NEDD9: variants seen among roughly 807,000 people sequenced by gnomAD.
The protein encoded by NEDD9 is enhancer of filamentation 1.
Under a neutral mutation model 76.6 loss-of-function variants are expected in NEDD9, and 26 were observed. The observed-to-expected ratio is 0.34, with a 90% CI of 0.25 to 0.47. The LOEUF (loss-of-function observed/expected upper bound fraction) is 0.47, where lower values mean the gene tolerates loss of function less well. NEDD9 is among the 20% of genes least tolerant of loss of function. The pLI, the probability that NEDD9 is intolerant of heterozygous loss-of-function variation, is 1.00. For synonymous variants in NEDD9, 392 were observed against 414.2 expected, an observed-to-expected ratio of 0.95 and a Z score of 0.65; for missense variants, 937 against 1,058.5, an observed-to-expected ratio of 0.89 and a Z score of 1.59.
intron 2 of NEDD9, among the ~76,000 whole-genome samples, chr6:11,323,365 A>G (rs1263619348): frequency 6.6e-6 from 1 of 152,214 alleles, no homozygotes; most frequent in Non-Finnish European, 1.5e-5. Context: ...AAAAGCAGGC[A>G]CTGCAAAGAC....
At chr6:11,209,970 C>CTTTTTTTTTTTTTTTTTTTTTTTT (rs752612102) in intron 2 of NEDD9, among the ~76,000 whole-genome samples, 2 of 131,072 alleles carry the variant, frequency 1.5e-5, no homozygotes, top group South Asian at 2.6e-4. Context: ...AATTCACTGT[C>CTTTTTTTTTTTTTTTTTTTTTTTT]TTTTTTTTTT....
chr6:11,306,524 C>T (rs1425071531), intron 2 of NEDD9, among the ~76,000 whole-genome samples: 1 of 152,090 alleles, frequency 6.6e-6, no homozygotes, highest in African/African-American at 2.4e-5. Flanking sequence ...TAGACGTTTG[C>T]CAGATGTTTT....
intron 1 of NEDD9, among the ~76,000 whole-genome samples, chr6:11,342,810 G>A (rs903260296): frequency 6.6e-6 from 1 of 152,150 alleles, no homozygotes; most frequent in East Asian, 1.9e-4. Context: ...AATAATGACT[G>A]ATAAATGCAG....
chr6:11,206,518 T>G (rs1758621616), intron 2 of NEDD9, among the ~76,000 whole-genome samples: 2 of 152,256 alleles, frequency 1.3e-5, no homozygotes, highest in Non-Finnish European at 2.9e-5. Context: ...TTCTCCTACT[T>G]AGCCAGACAT....
chr6:11,191,002 C>A lies in NEDD9; in HGVS notation c.867G>T (p.Pro289=). The A allele has an allele frequency of 6.2e-7, 1 of 1,613,906 alleles. No individual in the cohort carries two copies. The highest frequency in any genetic ancestry group is 8.5e-7 in the Non-Finnish European group (1 of 1,180,002). Residue 289 remains proline (P), a synonymous_variant, in exon 5 of 7, where the codon CCG becomes CCT. Transcript: ENST00000379446. ...YNCDIPGAAE[P]VARRHQSLSP... ...ACAGGCTCTGGTGCCTTCGAGCCAC[C>A]GGTTCTGCAGCTCCTGGAATGTCAC...
At position 11,199,637 on chromosome 6, in the gene NEDD9, C is replaced by CTTTTTTTTTTTTTT. The variant is rs59651160; in HGVS notation, c.460-5959_460-5946dup. ...AAAATGAAGAAAAGCTAGGAAAGAT[C>CTTTTTTTTTTTTTT]TTTTTTTTTTTTTTTTTTTTTTTTT... On this transcript the variant is annotated intron_variant, in intron 2 of 6. Transcript: ENST00000379446. 5.6e-4 allele frequency: 24 copies of CTTTTTTTTTTTTTT among 43,146 alleles called. 4 individuals are homozygous for CTTTTTTTTTTTTTT. The highest frequency in any genetic ancestry group is 9.0e-4 in the Non-Finnish European group (21 of 23,378). 2.7% of individuals were successfully genotyped at this position (43,146 alleles called of 1,614,324 possible).
intron 2 of NEDD9, among the ~76,000 whole-genome samples, chr6:11,309,878 A>G (rs1761314277): frequency 6.6e-6 from 1 of 152,230 alleles, no homozygotes; most frequent in Non-Finnish European, 1.5e-5. Context: ...TATTTGAAAT[A>G]TGGCAGCTAA....
chr6:11,186,212 A>G (rs918336585), intron 6 of NEDD9, among the ~76,000 whole-genome samples: 5 of 152,194 alleles, frequency 3.3e-5, no homozygotes, highest in Non-Finnish European at 7.3e-5. Context: ...ATTGATAGAC[A>G]TGTTATGATC....
intron 3 of NEDD9, among the ~76,000 whole-genome samples, chr6:11,301,949 A>AAAAGAACT (rs1159249597): frequency 6.6e-6 from 1 of 152,210 alleles, no homozygotes; most frequent in Non-Finnish European, 1.5e-5. Flanking sequence ...CATCACAATT[A>AAAAGAACT]AAAGAACTAG....
chr6:11,318,150 C>G (rs896378664), intron 2 of NEDD9, among the ~76,000 whole-genome samples: 2 of 152,176 alleles, frequency 1.3e-5, no homozygotes, highest in Non-Finnish European at 2.9e-5. Flanking sequence ...GCCTCAGACG[C>G]AGACAGGAAC....
chr6:11,193,659 C>G lies in NEDD9; in HGVS notation c.493G>C (p.Val165Leu). 6.2e-7 allele frequency: 1 copy of G among 1,613,930 alleles called. No individual in the cohort carries two copies. The highest frequency in any genetic ancestry group is 8.5e-7 in the Non-Finnish European group (1 of 1,179,878). Reference protein sequence around the residue: ...ITPVRTGHGYVYEYPSRYQKD... With the variant: ...ITPVRTGHGYLYEYPSRYQKD... ...TGGTATCTGGATGGGTACTCGTATA[C>G]GTAGCCATGGCCTGTCCTCACGGGG... The change falls in exon 3 of 7, where the codon GTA (valine) becomes CTA (leucine). Residue 165 changes from valine (V) to leucine (L), a missense_variant. Physicochemically the swap from Val to Leu is conservative, Grantham distance 32. Coordinates refer to ENST00000379446, the MANE Select transcript of NEDD9 (RefSeq NM_006403.4).
At chr6:11,325,052 T>C (rs1467480180) in intron 2 of NEDD9, among the ~76,000 whole-genome samples, 1 of 152,158 alleles carries the variant, frequency 6.6e-6, no homozygotes, top group Non-Finnish European at 1.5e-5. Flanking sequence ...GTAGAGAGCA[T>C]TGATAGAACG....
chr6:11,224,041 T>C (rs1759232982), intron 1 of NEDD9, among the ~76,000 whole-genome samples: 1 of 152,206 alleles, frequency 6.6e-6, no homozygotes, highest in Non-Finnish European at 1.5e-5. Context: ...TCAGACCATA[T>C]GTCCCATTTT....
intron 2 of NEDD9, among the ~76,000 whole-genome samples, chr6:11,315,550 T>C (rs1053803120): frequency 5.9e-5 from 9 of 152,246 alleles, no homozygotes; most frequent in Non-Finnish European, 1.0e-4. Flanking sequence ...CCCAATGCAT[T>C]GGACATACTT....
At chr6:11,264,329 C>T (rs1434276373) in intron 3 of NEDD9, among the ~76,000 whole-genome samples, 2 of 152,130 alleles carry the variant, frequency 1.3e-5, no homozygotes, top group Admixed American at 1.3e-4. Context: ...AGAATCAGGG[C>T]TCTGTGAGGA....
chr6:11,234,642 AGCT>A (rs1759561794), upstream of NEDD9, among the ~76,000 whole-genome samples: 1 of 152,090 alleles, frequency 6.6e-6, no homozygotes, highest in Non-Finnish European at 1.5e-5. Flanking sequence ...GTATATAGTT[AGCT>A]GCCTAAAGGA....
intron 2 of NEDD9, among the ~76,000 whole-genome samples, chr6:11,208,993 G>A (rs1040756845): frequency 6.6e-6 from 1 of 152,150 alleles, no homozygotes; most frequent in African/African-American, 2.4e-5. Flanking sequence ...ATTCGACTAT[G>A]AGTAACTTAT....
chr6:11,216,779 G>A lies in NEDD9; in HGVS notation c.13-3052C>T, dbSNP rs188515473. ...CCCTTGGGCTTCAGGCTCCCTCCCC[G>A]CCTTGCCTCCTTTCCATTTGCAGTC... On this transcript the variant is annotated intron_variant, in intron 1 of 6. Coordinates refer to ENST00000379446, the MANE Select transcript of NEDD9 (RefSeq NM_006403.4). 2.8e-3 allele frequency among the ~76,000 whole-genome samples: 427 copies of A among 152,254 alleles called. 1 individual carries two copies. The highest frequency in any genetic ancestry group is 4.8e-3 in the Non-Finnish European group (325 of 68,010).
chr6:11,201,147 A>T, intron 2 of NEDD9: 1 of 1,374,712 alleles, frequency 7.3e-7, no homozygotes, highest in Non-Finnish European at 1.0e-6. Context: ...TTCCTTGGGC[A>T]TCCACTTCAC....
Sources: gnomAD v4.1 joint callset for allele counts (sites outside exome capture counted in the v4.1 genomes callset) on GRCh38, gnomAD v4.1.1 for gene constraint, MANE v1.5 for transcripts, NCBI Gene and HGNC (gene_info 2026-07-23, HGNC 2026-07-21) for gene names.